Variants in LCE3E observed in about 807,000 individuals in gnomAD.
LCE3E encodes late cornified envelope 3E.
For missense variants in LCE3E, 133 were observed against 120.0 expected, an observed-to-expected ratio of 1.11 and a Z score of -0.51; for synonymous variants, 40 against 47.0, an observed-to-expected ratio of 0.85 and a Z score of 0.61.
In LCE3E at chr1:152,565,901, G is replaced by A; in HGVS notation, c.*29C>T. On this transcript the variant is annotated 3_prime_UTR_variant, in exon 2 of 2. Coordinates refer to ENST00000368789, the MANE Select transcript of LCE3E (RefSeq NM_178435.4). ...TCTTGGGATTCTTGTTTCCTCCAAAGATCGCTTGTCTCAGCATCAGGATCT... is the reference window on the plus strand; with the variant it reads ...TCTTGGGATTCTTGTTTCCTCCAAAAATCGCTTGTCTCAGCATCAGGATCT... 6.2e-7 allele frequency: 1 copy of A among 1,607,760 alleles called. No homozygotes were observed. Among genetic ancestry groups the A allele is most frequent in the East Asian group, 2.2e-5 (1 of 44,794 alleles).
rs1171287599 is a variant in LCE3E at position 152,565,742 on chromosome 1, A to G, written c.*188T>C. The G allele has an allele frequency of 7.7e-6, 6 of 778,040 alleles. No individual in the cohort carries two copies. Among genetic ancestry groups the G allele is most frequent in the South Asian group, 5.4e-5 (3 of 55,506 alleles). The allele number at this position is 778,040 out of a possible 1,614,324, so 48.2% of individuals were successfully genotyped here. ...AGGTACAGGGGTAGGGGGACATATG[A>G]CATCCTGTACATAAAACAAGAAGTG... On this transcript the variant is annotated 3_prime_UTR_variant, in exon 2 of 2. Coordinates refer to ENST00000368789, the MANE Select transcript of LCE3E (RefSeq NM_178435.4).
Position 152,566,085 on chromosome 1 carries a change from C to G in LCE3E, c.124G>C (p.Gly42Arg). 3 of 1,613,796 alleles carry G rather than the reference C, an allele frequency of 1.9e-6. No individual in the cohort carries two copies. Among genetic ancestry groups the G allele is most frequent in the South Asian group, 2.2e-5 (2 of 91,076 alleles). The change falls in exon 2 of 2, where the codon GGG (glycine) becomes CGG (arginine). Residue 42 changes from glycine to arginine, a missense_variant. By Grantham distance (125) the Gly-to-Arg change is moderately radical. Coordinates refer to ENST00000368789, the MANE Select transcript of LCE3E (RefSeq NM_178435.4). ...CCCTCGGAGCTAGGGCCACAGCCCC[C>G]AGAGCTTGGGGCACAGCCAGAGGAA... ...PASSGCAPSS[G>R]GCGPSSEGGC...
Position 152,566,248 on chromosome 1 carries a change from CTTCTTAG to C in LCE3E, c.-21-26_-21-20del, listed in dbSNP as rs956826416. The C allele has an allele frequency of 3.7e-6, 6 of 1,606,530 alleles. No individual in the cohort carries two copies. The African/African-American group carries it at 5.4e-5, about 14-fold the overall frequency. ...AGATGTCCTGGAGAAAACGAAGCCACTTCTTAGTTCAAAATCTACAGTCCAACGTCTC... is the reference window on the plus strand; with the variant it reads ...AGATGTCCTGGAGAAAACGAAGCCACTTCAAAATCTACAGTCCAACGTCTC... On this transcript the variant is annotated intron_variant, in intron 1 of 1. Transcript: ENST00000368789.
At position 152,566,232 on chromosome 1, in the gene LCE3E, G is replaced by A. The variant is rs1571029120; in HGVS notation, c.-21-3C>T. 1 of 1,612,112 alleles carries A rather than the reference G, an allele frequency of 6.2e-7. No individual in the cohort carries two copies. Among genetic ancestry groups the A allele is most frequent in the South Asian group, 1.1e-5 (1 of 90,918 alleles). On this transcript the variant is annotated splice_polypyrimidine_tract_variant and splice_region_variant and intron_variant, in intron 1 of 1. Coordinates refer to ENST00000368789, the MANE Select transcript of LCE3E (RefSeq NM_178435.4). ...ATCTTGGCAGGAGTTGAGATGTCCT[G>A]GAGAAAACGAAGCCACTTCTTAGTT...
Position 152,566,173 on chromosome 1 carries a change from G to C in LCE3E, c.36C>G (p.Pro12=). 1 of 1,613,846 alleles carries C rather than the reference G, an allele frequency of 6.2e-7. No homozygotes were observed. Among genetic ancestry groups the C allele is most frequent in the Non-Finnish European group, 8.5e-7 (1 of 1,180,042 alleles). Residue 12 remains proline (P), a synonymous_variant, in exon 2 of 2, where the codon CCC becomes CCG. Transcript: ENST00000368789. The part of the protein sequence containing the change: ...SCQQNQKQCQ[P]PPKCPSPKCP... ...ACTTGGGTGAGGGGCACTTGGGTGGGGGTTGGCACTGCTTCTGGTTCTGCT... is the reference window on the plus strand; with the variant it reads ...ACTTGGGTGAGGGGCACTTGGGTGGCGGTTGGCACTGCTTCTGGTTCTGCT...
rs540273209 is a variant in LCE3E at position 152,565,972 on chromosome 1, G to A, written c.237C>T (p.Gly79=). 28 of 1,613,756 alleles carry A rather than the reference G, an allele frequency of 1.7e-5. No individual in the cohort carries two copies. In the African/African-American group the frequency reaches 2.3e-4, roughly 13 times the overall value. ...AACCGTGGCAGCAGCCAGAGCCCCC[G>A]CCTTGCTGACCACTGCCCCTGTCAC... ...NSCDRGSGQQ[G]GGSGCCHGSG... is the part of the protein sequence containing the mutation. Residue 79 remains glycine (G), a synonymous_variant, in exon 2 of 2, where the codon GGC becomes GGT. Coordinates refer to ENST00000368789, the MANE Select transcript of LCE3E (RefSeq NM_178435.4).
In LCE3E at chr1:152,565,789, C is replaced by G; in HGVS notation, c.*141G>C. ...AGTGCCTTCTGGGGAGAGCTCAGAT[C>G]CCCCACAGGAAAACCTCCAGCTCAG... is the stretch of plus-strand genomic sequence containing the variant. On this transcript the variant is annotated 3_prime_UTR_variant, in exon 2 of 2. Transcript: ENST00000368789. 1.6e-6 allele frequency: 2 copies of G among 1,253,186 alleles called. No homozygotes were observed. Among genetic ancestry groups the G allele is most frequent in the Non-Finnish European group, 2.2e-6 (2 of 902,790 alleles). 77.6% of individuals were successfully genotyped at this position (1,253,186 alleles called of 1,614,324 possible). A position where few individuals can be genotyped will look rare whatever the true frequency, so the allele number is the denominator to read the frequency against.
chr1:152,565,767 G>T lies in LCE3E; in HGVS notation c.*163C>A. The T allele has an allele frequency of 3.0e-6, 3 of 1,003,324 alleles. No individual in the cohort carries two copies. The highest frequency in any genetic ancestry group is 4.4e-6 in the Non-Finnish European group (3 of 685,260). 62.2% of individuals were successfully genotyped at this position (1,003,324 alleles called of 1,614,324 possible). A position where few individuals can be genotyped will look rare whatever the true frequency, so the allele number is the denominator to read the frequency against. On this transcript the variant is annotated 3_prime_UTR_variant, in exon 2 of 2. Transcript: ENST00000368789. Reference sequence around the variant, plus strand: ...ACATCCTGTACATAAAACAAGAAGTGCCTTCTGGGGAGAGCTCAGATCCCC... The same window carrying T: ...ACATCCTGTACATAAAACAAGAAGTTCCTTCTGGGGAGAGCTCAGATCCCC...
rs566950597 is a variant in LCE3E at position 152,566,430 on chromosome 1, C to T, written c.-21-201G>A. ...GTGGGCACGTGTGTTTCTGTTTCTC[C>T]AAAGAACCCCTAGGGAATGCACCCT... is the stretch of plus-strand genomic sequence containing the variant. On this transcript the variant is annotated intron_variant, in intron 1 of 1. Coordinates refer to ENST00000368789, the MANE Select transcript of LCE3E (RefSeq NM_178435.4). Among the ~76,000 whole-genome samples the T allele has an allele frequency of 1.1e-4, 17 of 151,980 alleles. No homozygotes were observed. In the East Asian group the frequency reaches 3.3e-3, roughly 29 times the overall value.
At position 152,566,243 on chromosome 1, in the gene LCE3E, AG is replaced by A. The variant is rs767328004; in HGVS notation, c.-21-15del. ...AGTTGAGATGTCCTGGAGAAAACGA[AG>A]CCACTTCTTAGTTCAAAATCTACAG... On this transcript the variant is annotated splice_polypyrimidine_tract_variant and intron_variant, in intron 1 of 1. Coordinates refer to ENST00000368789, the MANE Select transcript of LCE3E (RefSeq NM_178435.4). 9 of 1,609,616 alleles carry A rather than the reference AG, an allele frequency of 5.6e-6. No individual in the cohort carries two copies. Among genetic ancestry groups the A allele is most frequent in the Non-Finnish European group, 6.8e-6 (8 of 1,178,466 alleles).
At position 152,565,782 on chromosome 1, in the gene LCE3E, C is replaced by A; in HGVS notation, c.*148G>T. 1 of 1,199,602 alleles carries A rather than the reference C, an allele frequency of 8.3e-7. No individual in the cohort carries two copies. Among genetic ancestry groups the A allele is most frequent in the Non-Finnish European group, 1.2e-6 (1 of 856,402 alleles). 74.3% of individuals were successfully genotyped at this position (1,199,602 alleles called of 1,614,324 possible). On this transcript the variant is annotated 3_prime_UTR_variant, in exon 2 of 2. Coordinates refer to ENST00000368789, the MANE Select transcript of LCE3E (RefSeq NM_178435.4). ...AACAAGAAGTGCCTTCTGGGGAGAG[C>A]TCAGATCCCCCACAGGAAAACCTCC...
chr1:152,566,231 T>C lies in LCE3E; in HGVS notation c.-21-2A>G. On this transcript the variant is annotated splice_acceptor_variant, in intron 1 of 1. Transcript: ENST00000368789. LOFTEE classifies it low-confidence loss of function (5UTR_SPLICE). Reference sequence around the variant, plus strand: ...CATCTTGGCAGGAGTTGAGATGTCCTGGAGAAAACGAAGCCACTTCTTAGT... The same window carrying C: ...CATCTTGGCAGGAGTTGAGATGTCCCGGAGAAAACGAAGCCACTTCTTAGT... 6.2e-7 allele frequency: 1 copy of C among 1,612,204 alleles called. No homozygotes were observed. The highest frequency in any genetic ancestry group is 8.5e-7 in the Non-Finnish European group (1 of 1,179,516).
In LCE3E at chr1:152,566,145, G is replaced by T. The variant is rs370479750; in HGVS notation, c.64C>A (p.Pro22Thr). Residue 22 changes from proline to threonine, a missense_variant, in exon 2 of 2, where the codon CCC becomes ACC. By Grantham distance (38) the Pro-to-Thr change is conservative (BLOSUM62 -1). Transcript: ENST00000368789. ...AGACACTGTACTGGGTTCTTTGGGGGACACTTGGGTGAGGGGCACTTGGGT... is the reference window on the plus strand; with the variant it reads ...AGACACTGTACTGGGTTCTTTGGGGTACACTTGGGTGAGGGGCACTTGGGT... ...PPPKCPSPKC[P>T]PKNPVQCLPP... 2 of 1,613,784 alleles carry T rather than the reference G, an allele frequency of 1.2e-6. No individual in the cohort carries two copies. Among genetic ancestry groups the T allele is most frequent in the Non-Finnish European group, 1.7e-6 (2 of 1,180,060 alleles).
At position 152,565,663 on chromosome 1, in the gene LCE3E, C is replaced by T; in HGVS notation, c.*267G>A. 1 of 546,726 alleles carries T rather than the reference C, an allele frequency of 1.8e-6. No individual in the cohort carries two copies. The highest frequency in any genetic ancestry group is 2.3e-5 in the South Asian group (1 of 43,396). 33.9% of individuals were successfully genotyped at this position (546,726 alleles called of 1,614,324 possible). A position where few individuals can be genotyped will look rare whatever the true frequency, so the allele number is the denominator to read the frequency against. On this transcript the variant is annotated 3_prime_UTR_variant, in exon 2 of 2. Transcript: ENST00000368789. Reference sequence around the variant, plus strand: ...AGTGGGACGCTGGTGGTAATGAGGACAAGGAACTTTATCTTTTTTACGAGG... The same window carrying T: ...AGTGGGACGCTGGTGGTAATGAGGATAAGGAACTTTATCTTTTTTACGAGG...
chr1:152,565,984 A>T lies in LCE3E; in HGVS notation c.225T>A (p.Ser75Arg). 1 of 1,613,780 alleles carries T rather than the reference A, an allele frequency of 6.2e-7. No individual in the cohort carries two copies. The highest frequency in any genetic ancestry group is 2.2e-5 in the East Asian group (1 of 44,864). The change falls in exon 2 of 2, where the codon AGT becomes AGA. Residue 75 changes from serine to arginine, a missense_variant. Ser to Arg is a moderately radical substitution (Grantham distance 110). Coordinates refer to ENST00000368789, the MANE Select transcript of LCE3E (RefSeq NM_178435.4). The stretch of plus-strand genomic sequence containing the variant: ...AGCCAGAGCCCCCGCCTTGCTGACC[A>T]CTGCCCCTGTCACAGGAGTTGGACC... ...RQRSNSCDRG[S>R]GQQGGGSGCC...
chr1:152,565,734 GA>G lies in LCE3E; in HGVS notation c.*195del, dbSNP rs1172986714. 1 of 728,218 alleles carries G rather than the reference GA, an allele frequency of 1.4e-6. No homozygotes were observed. Among genetic ancestry groups the G allele is most frequent in the Non-Finnish European group, 2.2e-6 (1 of 450,640 alleles). The allele number at this position is 728,218 out of a possible 1,614,324, so 45.1% of individuals were successfully genotyped here. A position where few individuals can be genotyped will look rare whatever the true frequency, so the allele number is the denominator to read the frequency against. ...TCCTTGGCAGGTACAGGGGTAGGGG[GA>G]CATATGACATCCTGTACATAAAACA... On this transcript the variant is annotated 3_prime_UTR_variant, in exon 2 of 2. Coordinates refer to ENST00000368789, the MANE Select transcript of LCE3E (RefSeq NM_178435.4).
chr1:152,565,952 T>C lies in LCE3E; in HGVS notation c.257A>G (p.His86Arg). Residue 86 changes from histidine to arginine, a missense_variant, in exon 2 of 2, where the codon CAC becomes CGC. Physicochemically the swap from His to Arg is conservative, Grantham distance 29 (BLOSUM62 0). Coordinates refer to ENST00000368789, the MANE Select transcript of LCE3E (RefSeq NM_178435.4). Reference sequence around the variant, plus strand: ...GGATCAGCAGCAGCCCCCAGAACCGTGGCAGCAGCCAGAGCCCCCGCCTTG... The same window carrying C: ...GGATCAGCAGCAGCCCCCAGAACCGCGGCAGCAGCCAGAGCCCCCGCCTTG... Reference protein sequence around the residue: ...GQQGGGSGCCHGSGGCC With the variant: ...GQQGGGSGCCRGSGGCC 1.2e-6 allele frequency: 2 copies of C among 1,613,702 alleles called. No individual in the cohort carries two copies. Among genetic ancestry groups the C allele is most frequent in the Non-Finnish European group, 1.7e-6 (2 of 1,179,992 alleles).
chr1:152,566,374 C>T, intron 1 of LCE3E, 145 bp from the exon 2 acceptor site: 3 of 864,276 alleles, frequency 3.5e-6, no homozygotes, highest in South Asian at 1.8e-5. Flanking sequence ...TCACATTGCT[C>T]TCCACCCGGG....
At position 152,565,925 on chromosome 1, in the gene LCE3E, C is replaced by T. The variant is rs780556817; in HGVS notation, c.*5G>A. The T allele has an allele frequency of 4.3e-6, 7 of 1,612,716 alleles. No individual in the cohort carries two copies. The highest frequency in any genetic ancestry group is 4.2e-6 in the Non-Finnish European group (5 of 1,179,586). On this transcript the variant is annotated 3_prime_UTR_variant, in exon 2 of 2. Transcript: ENST00000368789. ...AGATCGCTTGTCTCAGCATCAGGATCTGGATCAGCAGCAGCCCCCAGAACC... is the reference window on the plus strand; with the variant it reads ...AGATCGCTTGTCTCAGCATCAGGATTTGGATCAGCAGCAGCCCCCAGAACC...
Sources: gnomAD v4.1 joint callset for allele counts (sites outside exome capture counted in the v4.1 genomes callset) on GRCh38, gnomAD v4.1.1 for gene constraint, MANE v1.5 for transcripts, NCBI Gene and HGNC (gene_info 2026-07-23, HGNC 2026-07-21) for gene names.